GRID2: variants seen among roughly 807,000 people sequenced by gnomAD.
GRID2 encodes glutamate ionotropic receptor delta type subunit 2, also known as glutamate receptor ionotropic, delta-2.
A neutral mutation model predicts 114.8 loss-of-function variants in GRID2; 33 were observed. That is an observed-to-expected ratio of 0.29 (90% CI 0.22 to 0.38). The LOEUF (loss-of-function observed/expected upper bound fraction) is 0.38. Ranked by LOEUF, GRID2 falls within the 10% of genes least tolerant of loss-of-function variation. The probability of loss-of-function intolerance (pLI) is 1.00; values close to 1 mark genes in which losing one functional copy is unlikely to be tolerated. For synonymous variants in GRID2, 505 were observed against 449.9 expected, an observed-to-expected ratio of 1.12 and a Z score of -1.55; for missense variants, 1,184 against 1,257.7, an observed-to-expected ratio of 0.94 and a Z score of 0.89.
intron 1 of GRID2, among the ~76,000 whole-genome samples, chr4:92,408,901 C>G (rs376016871): frequency 1.3e-5 from 2 of 152,050 alleles, no homozygotes; most frequent in African/African-American, 4.8e-5. Context: ...GATATAGAAT[C>G]ATATCATTGA....
intron 14 of GRID2, among the ~76,000 whole-genome samples, chr4:93,636,200 A>G (rs1331015781): frequency 6.6e-6 from 1 of 152,186 alleles, no homozygotes; most frequent in Non-Finnish European, 1.5e-5. Flanking sequence ...TAATAAGCCC[A>G]TGATGCTGGA....
At chr4:93,559,852 A>T (rs1031492922) in intron 13 of GRID2, among the ~76,000 whole-genome samples, 3 of 152,140 alleles carry the variant, frequency 2.0e-5, no homozygotes, top group Non-Finnish European at 2.9e-5. Flanking sequence ...ATTATAGACT[A>T]GATAAAGAAA....
chr4:93,613,762 T>C (rs949962583), intron 13 of GRID2, among the ~76,000 whole-genome samples: 10 of 150,516 alleles, frequency 6.6e-5, no homozygotes, highest in Non-Finnish European at 1.5e-4. Flanking sequence ...CTGCTGTCTT[T>C]TTGTTTGTGT....
chr4:93,437,831 T>G (rs879326385), intron 10 of GRID2, among the ~76,000 whole-genome samples: 21 of 152,200 alleles, frequency 1.4e-4, no homozygotes, highest in Middle Eastern at 3.4e-3. Context: ...TTCAAACTAC[T>G]CCCATCTCTT....
intron 2 of GRID2, among the ~76,000 whole-genome samples, chr4:92,957,046 T>C (rs1456215755): frequency 1.3e-5 from 2 of 152,160 alleles, no homozygotes; most frequent in Admixed American, 6.6e-5. Flanking sequence ...AAATTTTGTA[T>C]AATAGCCCTC....
intron 2 of GRID2, among the ~76,000 whole-genome samples, chr4:92,996,109 G>T (rs1755180854): frequency 6.6e-6 from 1 of 151,822 alleles, no homozygotes; most frequent in South Asian, 2.1e-4. Context: ...GGCCAATGTG[G>T]TGAAACCCTG....
At chr4:93,675,243 T>C (rs1340990326) in intron 14 of GRID2, among the ~76,000 whole-genome samples, 12 of 152,182 alleles carry the variant, frequency 7.9e-5, no homozygotes, top group African/African-American at 2.4e-4. Context: ...AAATGAAGTC[T>C]GGAGTAACTT....
chr4:92,821,296 G>A lies in GRID2; in HGVS notation c.244+231010G>A, dbSNP rs776908278. ...GCACACCAAAATTAGGATGGTCAGC[G>A]CCTCTGGCAATGAGGGAATGGGATT... On this transcript the variant is annotated intron_variant, in intron 2 of 15. Coordinates refer to ENST00000282020, the MANE Select transcript of GRID2 (RefSeq NM_001510.4). Among the ~76,000 whole-genome samples, 36 of 152,080 alleles carry A rather than the reference G, an allele frequency of 2.4e-4. 1 individual carries two copies. The highest frequency in any genetic ancestry group is 2.1e-4 in the South Asian group (1 of 4,834).
At chr4:93,251,698 G>A (rs182892503) in intron 8 of GRID2, among the ~76,000 whole-genome samples, 15 of 151,972 alleles carry the variant, frequency 9.9e-5, no homozygotes, top group African/African-American at 2.4e-4. Context: ...AGTATGTGTC[G>A]TTCCCCTCTA....
intron 14 of GRID2, among the ~76,000 whole-genome samples, chr4:93,751,770 A>T (rs1732335426): frequency 6.6e-6 from 1 of 152,176 alleles, no homozygotes; most frequent in Non-Finnish European, 1.5e-5. Flanking sequence ...CTAAAGGGTG[A>T]TACTGAAATT....
At chr4:92,346,150 T>G (rs1043417328) in intron 1 of GRID2, among the ~76,000 whole-genome samples, 3 of 152,172 alleles carry the variant, frequency 2.0e-5, no homozygotes, top group Non-Finnish European at 2.9e-5. Flanking sequence ...CTAAGTGACA[T>G]CAGCAGCAGC....
At chr4:92,804,449 A>C (rs1740317529) in intron 2 of GRID2, among the ~76,000 whole-genome samples, 1 of 152,018 alleles carries the variant, frequency 6.6e-6, no homozygotes, top group Admixed American at 6.6e-5. Flanking sequence ...TGTCAGGAGA[A>C]AAATTCTGTA....
chr4:93,713,598 AG>A (rs1424277684), intron 14 of GRID2, among the ~76,000 whole-genome samples: 1 of 152,072 alleles, frequency 6.6e-6, no homozygotes, highest in Admixed American at 6.6e-5. Context: ...CAAAAAAAAA[AG>A]ATTATATAAT....
chr4:93,466,628 G>A (rs1471282401), intron 11 of GRID2, among the ~76,000 whole-genome samples: 1 of 152,182 alleles, frequency 6.6e-6, no homozygotes, highest in Non-Finnish European at 1.5e-5. Flanking sequence ...TGCCATGGCA[G>A]TGGTAAATTG....
At chr4:93,338,448 C>T (rs1477562901) in intron 8 of GRID2, among the ~76,000 whole-genome samples, 1 of 151,930 alleles carries the variant, frequency 6.6e-6, no homozygotes, top group Non-Finnish European at 1.5e-5. Flanking sequence ...AGCATGCTGC[C>T]ATATGGATGC....
chr4:93,568,926 G>A (rs567327346), intron 13 of GRID2, among the ~76,000 whole-genome samples: 8 of 152,102 alleles, frequency 5.3e-5, no homozygotes, highest in South Asian at 2.1e-4. Flanking sequence ...TGCTTTCTGC[G>A]CCCACCTCAA....
At chr4:93,226,566 A>T (rs62310363) in intron 7 of GRID2, among the ~76,000 whole-genome samples, 1 of 152,150 alleles carries the variant, frequency 6.6e-6, no homozygotes, top group Admixed American at 6.5e-5. Flanking sequence ...CCCTGCTCCC[A>T]GGGCTTTGCT....
intron 1 of GRID2, among the ~76,000 whole-genome samples, chr4:92,312,764 C>T (rs954644172): frequency 1.3e-5 from 2 of 151,936 alleles, no homozygotes; most frequent in African/African-American, 4.8e-5. Flanking sequence ...TAAGAATAGT[C>T]ATAATCAAAG....
At chr4:93,386,699 A>C (rs1764347266) in intron 8 of GRID2, among the ~76,000 whole-genome samples, 1 of 152,176 alleles carries the variant, frequency 6.6e-6, no homozygotes, top group Non-Finnish European at 1.5e-5. Flanking sequence ...AACCCCAAAC[A>C]AAAAGTTCCT....
Sources: allele counts gnomAD v4.1 joint callset (sites outside exome capture counted in the v4.1 genomes callset), GRCh38; gene constraint gnomAD v4.1.1; transcripts MANE v1.5; gene names NCBI Gene and HGNC (gene_info 2026-07-23, HGNC 2026-07-21).